STAG1: variants seen among roughly 807,000 people sequenced by gnomAD.
STAG1 encodes the protein STAG1 cohesin complex component.
Under a neutral mutation model 170.9 loss-of-function variants are expected in STAG1, and 26 were observed. The observed-to-expected ratio is 0.15, with a 90% CI of 0.11 to 0.21. STAG1 has a LOEUF of 0.21. Ranked by LOEUF, STAG1 falls within the 10% of genes least tolerant of loss-of-function variation. The probability of loss-of-function intolerance (pLI) is 1.00; values close to 1 mark genes in which losing one functional copy is unlikely to be tolerated. For synonymous variants in STAG1, 514 were observed against 497.7 expected, an observed-to-expected ratio of 1.03 and a Z score of -0.44; for missense variants, 964 against 1,509.5, an observed-to-expected ratio of 0.64 and a Z score of 5.99.
At chr3:136,734,154 T>A (rs987612579) in intron 1 of STAG1, among the ~76,000 whole-genome samples, 7 of 148,440 alleles carry the variant, frequency 4.7e-5, no homozygotes, top group East Asian at 3.9e-4. Context: ...ACAAAAAAAA[T>A]TTTCTGCACA....
At chr3:136,418,071 C>T in intron 20 of STAG1, 99 bp from the exon 21 acceptor site, 4 of 937,902 alleles carry the variant, frequency 4.3e-6, no homozygotes, top group South Asian at 3.1e-5. Flanking sequence ...AATTTCATTT[C>T]GGCTGGGCAC....
intron 7 of STAG1, among the ~76,000 whole-genome samples, chr3:136,503,797 G>T (rs924430007): frequency 6.6e-6 from 1 of 151,688 alleles, no homozygotes; most frequent in African/African-American, 2.4e-5. Context: ...GTGCAATGGC[G>T]CAATCTTGGC....
chr3:136,605,222 GACAA>G (rs897884675), intron 3 of STAG1, among the ~76,000 whole-genome samples: 21 of 152,138 alleles, frequency 1.4e-4, no homozygotes, highest in Admixed American at 1.4e-3. Flanking sequence ...AAACAAAACA[GACAA>G]ACATTCTTGC....
chr3:136,489,584 A>T (rs979237356), intron 9 of STAG1, among the ~76,000 whole-genome samples: 1 of 152,202 alleles, frequency 6.6e-6, no homozygotes, highest in Non-Finnish European at 1.5e-5. Flanking sequence ...ACACTCTCTA[A>T]ATTGCAGCAC....
intron 1 of STAG1, among the ~76,000 whole-genome samples, chr3:136,716,341 C>T (rs943957092): frequency 2.0e-5 from 3 of 151,678 alleles, no homozygotes; most frequent in African/African-American, 7.3e-5. Context: ...CGGGTGCCTG[C>T]AGTGCCAGCT....
At chr3:136,427,060 T>TAA (rs1053830833) in intron 16 of STAG1, among the ~76,000 whole-genome samples, 20 of 119,892 alleles carry the variant, frequency 1.7e-4, no homozygotes, top group Non-Finnish European at 2.8e-4. Context: ...ACTCGTCTCT[T>TAA]AAAAAAAAAA....
chr3:136,704,356 T>C (rs1381784992), intron 1 of STAG1, among the ~76,000 whole-genome samples: 1 of 152,022 alleles, frequency 6.6e-6, no homozygotes, highest in Non-Finnish European at 1.5e-5. Context: ...CAGGCATGAT[T>C]TTTTTAAAGA....
intron 26 of STAG1, 119 bp from the exon 27 acceptor site, chr3:136,359,415 T>C (rs1430954381): frequency 1.0e-5 from 7 of 683,112 alleles, no homozygotes; most frequent in South Asian, 3.5e-5. Context: ...TCTTCTTGCA[T>C]TGAATTTTAG....
intron 15 of STAG1, among the ~76,000 whole-genome samples, chr3:136,434,188 T>A (rs935263566): frequency 2.0e-5 from 3 of 152,124 alleles, no homozygotes; most frequent in Non-Finnish European, 2.9e-5. Context: ...TATATATTTA[T>A]GTAACTGATA....
At chr3:136,501,258 A>C (rs1933451584) in intron 8 of STAG1, among the ~76,000 whole-genome samples, 1 of 152,174 alleles carries the variant, frequency 6.6e-6, no homozygotes. Flanking sequence ...TCTAGTATTT[A>C]CTTCTATAAT....
chr3:136,555,690 T>C (rs1936586372), intron 5 of STAG1, among the ~76,000 whole-genome samples: 1 of 150,978 alleles, frequency 6.6e-6, no homozygotes, highest in South Asian at 2.1e-4. Flanking sequence ...TCTCAATCAA[T>C]CAATCAATCA....
chr3:136,610,950 T>G (rs1939244102), intron 3 of STAG1, among the ~76,000 whole-genome samples: 1 of 152,204 alleles, frequency 6.6e-6, no homozygotes, highest in Non-Finnish European at 1.5e-5. Flanking sequence ...TTTCCTTTTT[T>G]CCACATATTA....
chr3:136,687,222 T>C (rs1398258826), intron 1 of STAG1, among the ~76,000 whole-genome samples: 5 of 152,226 alleles, frequency 3.3e-5, no homozygotes, highest in African/African-American at 9.6e-5. Context: ...TGTATCTTGA[T>C]AGAGCACAAC....
intron 25 of STAG1, 56 bp downstream of exon 25, chr3:136,366,887 T>A: frequency 2.8e-6 from 4 of 1,433,672 alleles, no homozygotes; most frequent in Non-Finnish European, 3.8e-6. Context: ...ATCCTTTCAA[T>A]TGCTAATTTC....
chr3:136,338,214 T>C lies in STAG1; in HGVS notation c.*40A>G. On this transcript the variant is annotated 3_prime_UTR_variant, in exon 34 of 34. Coordinates refer to ENST00000383202, the MANE Select transcript of STAG1 (RefSeq NM_005862.3). The stretch of plus-strand genomic sequence containing the variant: ...ATCACAGTATATAGGCCTCTAGCTC[T>C]AAATAATAGAGTTCCAGATTTGTAA... 1 of 1,482,376 alleles carries C rather than the reference T, an allele frequency of 6.7e-7. No individual in the cohort carries two copies. Among genetic ancestry groups the C allele is most frequent in the Admixed American group, 1.7e-5 (1 of 58,960 alleles). 91.8% of individuals were successfully genotyped at this position (1,482,376 alleles called of 1,614,324 possible).
intron 15 of STAG1, among the ~76,000 whole-genome samples, chr3:136,439,439 C>CAA (rs2088568368): frequency 1.1e-5 from 1 of 90,262 alleles, no homozygotes; most frequent in African/African-American, 4.1e-5. Flanking sequence ...CACACACACA[C>CAA]ACAAACACTG....
chr3:136,739,949 C>A (rs189956674), intron 1 of STAG1, among the ~76,000 whole-genome samples: 1 of 151,982 alleles, frequency 6.6e-6, no homozygotes, highest in African/African-American at 2.4e-5. Flanking sequence ...ATAAATGCAA[C>A]GGGATAGATA....
intron 9 of STAG1, among the ~76,000 whole-genome samples, chr3:136,484,850 T>C (rs1018027123): frequency 1.3e-5 from 2 of 151,802 alleles, no homozygotes; most frequent in South Asian, 2.1e-4. Context: ...TCCAGGTGCG[T>C]CTGTCACCCC....
At chr3:136,491,715 G>A (rs940211540) in intron 9 of STAG1, among the ~76,000 whole-genome samples, 3 of 152,062 alleles carry the variant, frequency 2.0e-5, no homozygotes, top group Admixed American at 6.6e-5. Flanking sequence ...TTTGTTGGCC[G>A]GGTGCAGTGG....
Sources: gnomAD v4.1 joint callset for allele counts (sites outside exome capture counted in the v4.1 genomes callset) on GRCh38, gnomAD v4.1.1 for gene constraint, MANE v1.5 for transcripts, NCBI Gene and HGNC (gene_info 2026-07-23, HGNC 2026-07-21) for gene names.